Variants in TTC9C observed in about 807,000 individuals in gnomAD.
TTC9C encodes the protein tetratricopeptide repeat protein 9C.
A neutral mutation model predicts 22.5 loss-of-function variants in TTC9C; 15 were observed. That is an observed-to-expected ratio of 0.67 (90% CI 0.45 to 1.03). The LOEUF is 1.03. TTC9C is among the 50% of genes least tolerant of loss of function. The probability of loss-of-function intolerance (pLI) is 0.00; values close to 1 mark genes in which losing one functional copy is unlikely to be tolerated. For synonymous variants in TTC9C, 92 were observed against 86.8 expected (o/e 1.06, Z -0.33); for missense variants, 244 against 214.6 (o/e 1.14, Z -0.86).
At chr11:62,731,367 C>T (rs1340227412) in intron 1 of TTC9C, among the ~76,000 whole-genome samples, 1 of 152,136 alleles carries the variant, frequency 6.6e-6, no homozygotes, top group Non-Finnish European at 1.5e-5. Flanking sequence ...CAACTGTAAT[C>T]CCAACACCTT....
chr11:62,733,477 T>G lies in TTC9C; in HGVS notation c.239-1905T>G, dbSNP rs144924842. Among the ~76,000 whole-genome samples the G allele has an allele frequency of 1.8e-3, 269 of 152,272 alleles. 1 individual carries two copies. Among genetic ancestry groups the G allele is most frequent in the African/African-American group, 6.3e-3 (260 of 41,572 alleles). ...CACAGCGCTTGCCATTTCCTGACAA[T>G]TAATGGCAACCATTATTAACAAAGC... is the stretch of plus-strand genomic sequence containing the variant. On this transcript the variant is annotated intron_variant, in intron 1 of 2. Coordinates refer to ENST00000316461, the MANE Select transcript of TTC9C (RefSeq NM_173810.4).
rs376792542 is a variant in TTC9C at position 62,735,368 on chromosome 11, A to G, written c.239-14A>G. 4 of 1,612,526 alleles carry G rather than the reference A, an allele frequency of 2.5e-6. No individual in the cohort carries two copies. Among genetic ancestry groups the G allele is most frequent in the African/African-American group, 2.7e-5 (2 of 74,838 alleles). On this transcript the variant is annotated splice_polypyrimidine_tract_variant and intron_variant, in intron 1 of 2. Transcript: ENST00000316461. ...CCCCTCCTACCTCTTCTCTCTTTTC[A>G]TTTGGCCCATTAGCTTGTCTCCTTC...
chr11:62,729,567 T>TA (rs2083821869), intron 1 of TTC9C, among the ~76,000 whole-genome samples: 1 of 141,890 alleles, frequency 7.0e-6, no homozygotes, highest in African/African-American at 2.8e-5. Flanking sequence ...CACGCCCAGC[T>TA]AATTTTTTTT....
intron 2 of TTC9C, 200 bp downstream of exon 2, chr11:62,735,764 GTAT>G (rs1172165502): frequency 5.4e-5 from 51 of 938,996 alleles, no homozygotes; most frequent in Admixed American, 3.7e-4. Context: ...CAGAAAAGCA[GTAT>G]TATTAGTTTC....
At chr11:62,728,180 T>TTCCTC (rs2083785918), upstream of TTC9C, 2 of 281,704 alleles carry the variant, frequency 7.1e-6, no homozygotes, top group Non-Finnish European at 1.4e-5. Context: ...CTCTGACCCT[T>TTCCTC]TCCTCTCCTT....
In TTC9C at chr11:62,738,426, T is replaced by G; in HGVS notation, c.*44T>G. 2.3e-6 allele frequency: 3 copies of G among 1,310,870 alleles called. No homozygotes were observed. The highest frequency in any genetic ancestry group is 3.3e-6 in the Non-Finnish European group (3 of 916,670). The allele number at this position is 1,310,870 out of a possible 1,614,324, so 81.2% of individuals were successfully genotyped here. A position where few individuals can be genotyped will look rare whatever the true frequency, so the allele number is the denominator to read the frequency against. On this transcript the variant is annotated 3_prime_UTR_variant, in exon 3 of 3. Transcript: ENST00000316461. ...CTCCAGTTGAACTTAGGTGGACCAT[T>G]AAACATGCATGAAGGAGAAATCTGA...
At chr11:62,736,680 G>T (rs889574481) in intron 2 of TTC9C, among the ~76,000 whole-genome samples, 3 of 150,336 alleles carry the variant, frequency 2.0e-5, no homozygotes, top group African/African-American at 4.9e-5. Flanking sequence ...GGGGACAGAG[G>T]GCGGCTCCGT....
chr11:62,731,664 TC>T (rs914699205), intron 1 of TTC9C, among the ~76,000 whole-genome samples: 11 of 150,988 alleles, frequency 7.3e-5, no homozygotes, highest in African/African-American at 2.7e-4. Flanking sequence ...TCATTCTCTG[TC>T]CCGACATAGT....
At chr11:62,737,447 A>G (rs887724961) in intron 2 of TTC9C, among the ~76,000 whole-genome samples, 3 of 152,004 alleles carry the variant, frequency 2.0e-5, no homozygotes, top group African/African-American at 7.2e-5. Flanking sequence ...CAGATGAGAG[A>G]CTCATTCCTG....
Position 62,735,465 on chromosome 11 carries a change from G to A in TTC9C, c.322G>A (p.Ala108Thr), listed in dbSNP as rs1211749485. ...AGTCCTGGAACGACAGCCTGATAATGCCAAGGCCTTGTATCGGGCCGGAGT... is the reference window on the plus strand; with the variant it reads ...AGTCCTGGAACGACAGCCTGATAATACCAAGGCCTTGTATCGGGCCGGAGT... ...QKVLERQPDNAKALYRAGVAF... is the reference protein window; with the variant it reads ...QKVLERQPDNTKALYRAGVAF... The change falls in exon 2 of 3, where the codon GCC becomes ACC. Residue 108 changes from alanine to threonine, a missense_variant. Ala to Thr is a moderately conservative substitution (Grantham distance 58). Transcript: ENST00000316461. 1 of 1,614,148 alleles carries A rather than the reference G, an allele frequency of 6.2e-7. No homozygotes were observed. Among genetic ancestry groups the A allele is most frequent in the Admixed American group, 1.7e-5 (1 of 60,008 alleles).
chr11:62,737,937 A>C (rs769150681), intron 2 of TTC9C, among the ~76,000 whole-genome samples: 1 of 152,164 alleles, frequency 6.6e-6, no homozygotes, highest in African/African-American at 2.4e-5. Context: ...AGGCTGAGGC[A>C]TGAGAATTGC....
At chr11:62,737,972 A>C (rs1181153046) in intron 2 of TTC9C, among the ~76,000 whole-genome samples, 1 of 152,162 alleles carries the variant, frequency 6.6e-6, no homozygotes, top group Non-Finnish European at 1.5e-5. Flanking sequence ...CGGAGGTTGC[A>C]GTAAGTGGAG....
chr11:62,738,602 G>C lies in TTC9C; in HGVS notation c.*220G>C, dbSNP rs2083939663. On this transcript the variant is annotated 3_prime_UTR_variant, in exon 3 of 3. Coordinates refer to ENST00000316461, the MANE Select transcript of TTC9C (RefSeq NM_173810.4). ...CCTTTCAATACATGTTATTGTTGCAGATATTTGGCTTGAGAAATATAATCA... is the reference window on the plus strand; with the variant it reads ...CCTTTCAATACATGTTATTGTTGCACATATTTGGCTTGAGAAATATAATCA... 2.4e-6 allele frequency: 1 copy of C among 410,844 alleles called. No homozygotes were observed. 25.4% of individuals were successfully genotyped at this position (410,844 alleles called of 1,614,324 possible). A position where few individuals can be genotyped will look rare whatever the true frequency, so the allele number is the denominator to read the frequency against.
intron 1 of TTC9C, among the ~76,000 whole-genome samples, chr11:62,731,990 T>A (rs1374511932): frequency 1.3e-5 from 1 of 75,286 alleles, no homozygotes; most frequent in Non-Finnish European, 2.6e-5. Context: ...TGGTCAGCAC[T>A]TTTTTTTTTT....
intron 1 of TTC9C, chr11:62,733,199 G>T: frequency 7.8e-7 from 1 of 1,274,788 alleles, no homozygotes. Context: ...CTCCTCTGCA[G>T]GTTTGTATTT....
chr11:62,737,682 C>T (rs984658435), intron 2 of TTC9C, among the ~76,000 whole-genome samples: 1 of 152,278 alleles, frequency 6.6e-6, no homozygotes, highest in South Asian at 2.1e-4. Flanking sequence ...TGAATAGTAT[C>T]TTTAGAGGCT....
At chr11:62,732,487 G>A (rs1000928647) in intron 1 of TTC9C, among the ~76,000 whole-genome samples, 5 of 152,040 alleles carry the variant, frequency 3.3e-5, no homozygotes, top group Admixed American at 2.0e-4. Context: ...GTGCATGCCT[G>A]TAATCGCATC....
intron 1 of TTC9C, among the ~76,000 whole-genome samples, chr11:62,730,918 T>G (rs1482828080): frequency 6.7e-6 from 1 of 149,906 alleles, no homozygotes; most frequent in Admixed American, 6.7e-5. Context: ...AGACGGTGTC[T>G]CACTCTGTTG....
chr11:62,737,036 A>G (rs1376608496), intron 2 of TTC9C, among the ~76,000 whole-genome samples: 4 of 151,684 alleles, frequency 2.6e-5, no homozygotes. Flanking sequence ...CGTTTCTAGT[A>G]AAAATACAAG....
Sources: gnomAD v4.1 joint callset for allele counts (sites outside exome capture counted in the v4.1 genomes callset) on GRCh38, gnomAD v4.1.1 for gene constraint, MANE v1.5 for transcripts, NCBI Gene and HGNC (gene_info 2026-07-23, HGNC 2026-07-21) for gene names.